GUCY2C: variants seen among roughly 807,000 people sequenced by gnomAD.
GUCY2C encodes guanylate cyclase 2C.
Under a neutral mutation model 131.1 loss-of-function variants are expected in GUCY2C, and 118 were observed. The observed-to-expected ratio is 0.90, with a 90% confidence interval of 0.78 to 1.05. The LOEUF is 1.05. Among genes scored for constraint, GUCY2C ranks in the 50% least tolerant of loss-of-function variants. The pLI, the probability that GUCY2C is intolerant of heterozygous loss-of-function variation, is 0.00. For synonymous variants in GUCY2C, 452 were observed against 457.8 expected (o/e 0.99, Z 0.16); for missense variants, 1,161 against 1,304.4 (o/e 0.89, Z 1.69).
chr12:14,632,529 T>G (rs550964688), intron 19 of GUCY2C, among the ~76,000 whole-genome samples: 36 of 152,350 alleles, frequency 2.4e-4, no homozygotes, highest in African/African-American at 8.4e-4. Flanking sequence ...TCCATTTCCT[T>G]CAGAGGAAGG....
rs112273912 is a variant in GUCY2C, at chr12:14,634,690, G to A, written c.2157+5172C>T. Among the ~76,000 whole-genome samples the A allele has an allele frequency of 3.6e-3, 542 of 152,218 alleles. 1 individual carries two copies. Among genetic ancestry groups the A allele is most frequent in the Middle Eastern group, 0.017 (5 of 294 alleles). ...ACTGGTTCAATGGATTTTTAAAAAT[G>A]ACCCAACTGTAGGCTGCCTACAAGA... is the stretch of plus-strand genomic sequence containing the variant. On this transcript the variant is annotated intron_variant, in intron 19 of 26. Transcript: ENST00000261170.
chr12:14,628,991 C>A (rs1409247131), intron 19 of GUCY2C, among the ~76,000 whole-genome samples: 1 of 151,950 alleles, frequency 6.6e-6, no homozygotes, highest in Non-Finnish European at 1.5e-5. Flanking sequence ...CGGGTTGATA[C>A]GGGAGACTAA....
intron 16 of GUCY2C, 40 bp from the exon 17 acceptor site, chr12:14,643,746 C>T (rs1947456694): frequency 6.3e-7 from 1 of 1,578,060 alleles, no homozygotes; most frequent in African/African-American, 1.4e-5. Flanking sequence ...AAATGTGACA[C>T]ACTTCAGCTG....
At chr12:14,673,077 CATT>C in intron 8 of GUCY2C, 119 bp from the exon 9 acceptor site, 1 of 652,346 alleles carries the variant, frequency 1.5e-6, no homozygotes, top group Non-Finnish European at 2.8e-6. Flanking sequence ...TTACTGAAAA[CATT>C]GTTGACATTA....
intron 7 of GUCY2C, 41 bp downstream of exon 7, chr12:14,676,813 A>G: frequency 5.1e-6 from 3 of 592,796 alleles, no homozygotes; most frequent in Non-Finnish European, 5.1e-6. Flanking sequence ...AAATAAAATA[A>G]TAATATATAA....
intron 10 of GUCY2C, among the ~76,000 whole-genome samples, chr12:14,661,461 C>T (rs1361705689): frequency 6.6e-6 from 1 of 151,916 alleles, no homozygotes; most frequent in Non-Finnish European, 1.5e-5. Context: ...CTTTTTGAGA[C>T]AGAGTTTCAC....
intron 9 of GUCY2C, among the ~76,000 whole-genome samples, chr12:14,670,728 C>T (rs1294173495): frequency 6.6e-6 from 1 of 151,844 alleles, no homozygotes; most frequent in East Asian, 2.0e-4. Context: ...CTCTTGCCTG[C>T]TACCATGTAA....
At chr12:14,694,467 T>A (rs1312553441) in intron 1 of GUCY2C, among the ~76,000 whole-genome samples, 3 of 152,168 alleles carry the variant, frequency 2.0e-5, no homozygotes, top group Non-Finnish European at 4.4e-5. Context: ...CCATGATAGG[T>A]ACTTAGTAAC....
At chr12:14,678,057 C>T (rs192849640) in intron 6 of GUCY2C, among the ~76,000 whole-genome samples, 84 of 152,200 alleles carry the variant, frequency 5.5e-4, no homozygotes, top group African/African-American at 2.0e-3. Context: ...TTCAAGCTAT[C>T]CTCCCGCCTC....
At chr12:14,620,375 A>G (rs570824308) in intron 23 of GUCY2C, among the ~76,000 whole-genome samples, 1 of 152,210 alleles carries the variant, frequency 6.6e-6, no homozygotes, top group East Asian at 1.9e-4. Context: ...TCTGTCCCTC[A>G]CTTCTGTTTT....
At chr12:14,693,004 C>T (rs1469273554) in intron 1 of GUCY2C, among the ~76,000 whole-genome samples, 1 of 152,084 alleles carries the variant, frequency 6.6e-6, no homozygotes, top group African/African-American at 2.4e-5. Flanking sequence ...TCCCTTTTAT[C>T]ACTCCAGAAC....
chr12:14,688,234 G>A lies in GUCY2C; in HGVS notation c.218-171C>T, dbSNP rs1192371573. Among the ~76,000 whole-genome samples the A allele has an allele frequency of 2.0e-5, 3 of 151,834 alleles. No individual in the cohort carries two copies. In the East Asian group the frequency reaches 5.8e-4, roughly 30 times the overall value. On this transcript the variant is annotated intron_variant, in intron 1 of 26. Coordinates refer to ENST00000261170, the MANE Select transcript of GUCY2C (RefSeq NM_004963.4). The stretch of plus-strand genomic sequence containing the variant: ...TCACTTTTTTCCTCTGTGTGTCTCT[G>A]TCTCTCTGTATCTTTTCATCTCTGT...
rs1592064997 is a variant in GUCY2C, at chr12:14,613,022, G to C, written c.*95C>G. 5.1e-6 allele frequency: 5 copies of C among 974,156 alleles called. No homozygotes were observed. In the East Asian group the frequency reaches 1.2e-4, roughly 23 times the overall value. 60.3% of individuals were successfully genotyped at this position (974,156 alleles called of 1,614,324 possible). On this transcript the variant is annotated 3_prime_UTR_variant, in exon 27 of 27. Coordinates refer to ENST00000261170, the MANE Select transcript of GUCY2C (RefSeq NM_004963.4). The surrounding 1 kb of genome is among the most constrained non-coding windows in gnomAD (Gnocchi z 4.9). ...CCTAAGTACATTTCTGCTTCATTGA[G>C]GTCTCAGGAAAATGTAAGCTTTCAG...
At chr12:14,641,457 C>T (rs966429356) in intron 17 of GUCY2C, among the ~76,000 whole-genome samples, 1 of 152,096 alleles carries the variant, frequency 6.6e-6, no homozygotes, top group African/African-American at 2.4e-5. Context: ...TGGGTGAGGT[C>T]ATATGGCAAT....
intron 12 of GUCY2C, among the ~76,000 whole-genome samples, chr12:14,654,703 G>T (rs1947728480): frequency 6.6e-6 from 1 of 152,146 alleles, no homozygotes; most frequent in Non-Finnish European, 1.5e-5. Context: ...TGAAATATGG[G>T]GTTTTGAGGC....
intron 3 of GUCY2C, among the ~76,000 whole-genome samples, chr12:14,685,394 A>C (rs568688696): frequency 2.0e-5 from 3 of 152,214 alleles, no homozygotes; most frequent in African/African-American, 7.2e-5. Flanking sequence ...CAGAGGTCTA[A>C]TGTTTACTCT....
intron 7 of GUCY2C, among the ~76,000 whole-genome samples, chr12:14,675,247 AAAG>A (rs1487587614): frequency 2.9e-5 from 4 of 139,566 alleles, no homozygotes; most frequent in Non-Finnish European, 4.6e-5. Flanking sequence ...AGAAAGAAAG[AAAG>A]AAAAAAAACT....
chr12:14,674,044 A>T (rs1323918378), intron 8 of GUCY2C, among the ~76,000 whole-genome samples: 1 of 152,222 alleles, frequency 6.6e-6, no homozygotes, highest in African/African-American at 2.4e-5. Flanking sequence ...ACTGTCATTT[A>T]TCTTTGACTT....
intron 13 of GUCY2C, 121 bp downstream of exon 13, chr12:14,652,831 C>T: frequency 1.3e-6 from 1 of 761,096 alleles, no homozygotes; most frequent in South Asian, 1.4e-5. Flanking sequence ...TAAGAATAGC[C>T]CCTAGGAACA....
Sources: gnomAD v4.1 joint callset for allele counts (sites outside exome capture counted in the v4.1 genomes callset) on GRCh38, gnomAD v4.1.1 for gene constraint, Gnocchi (gnomAD v3.1) non-coding constraint, MANE v1.5 for transcripts, NCBI Gene and HGNC (gene_info 2026-07-23, HGNC 2026-07-21) for gene names.